The following CEP83 variants were observed in gnomAD, a reference collection of about 807,000 sequenced individuals.
CEP83 encodes the protein centrosomal protein 83.
In CEP83, 70 loss-of-function variants were observed where a neutral mutation model predicts 101.9. The observed-to-expected ratio is 0.69, with a 90% CI of 0.57 to 0.84. CEP83 has a LOEUF of 0.84. Ranked by LOEUF, CEP83 falls within the 40% of genes least tolerant of loss-of-function variation. The probability of loss-of-function intolerance (pLI) is 0.00; values close to 1 mark genes in which losing one functional copy is unlikely to be tolerated. For synonymous variants in CEP83, 264 were observed against 267.9 expected (o/e 0.99, Z 0.14); for missense variants, 715 against 787.2 (o/e 0.91, Z 1.10).
intron 2 of CEP83, among the ~76,000 whole-genome samples, chr12:94,415,865 A>G (rs2064228539): frequency 6.6e-6 from 1 of 152,148 alleles, no homozygotes; most frequent in African/African-American, 2.4e-5. Context: ...TAACTGACAT[A>G]TGGAAGACTA....
intron 15 of CEP83, among the ~76,000 whole-genome samples, chr12:94,311,346 C>T (rs1342086060): frequency 6.6e-6 from 1 of 152,166 alleles, no homozygotes; most frequent in East Asian, 1.9e-4. Context: ...TCCCTGAGTT[C>T]TGTAAGCTGC....
At chr12:94,440,361 C>A (rs1186665076) in intron 1 of CEP83, among the ~76,000 whole-genome samples, 1 of 152,134 alleles carries the variant, frequency 6.6e-6, no homozygotes, top group Admixed American at 6.5e-5. Flanking sequence ...AATTGATGTA[C>A]ACAGATGAGT....
rs771012267 is a variant in CEP83 at position 94,378,986 on chromosome 12, A to G, written c.606T>C (p.Asp202=). The part of the protein sequence containing the change: ...EELRNQLLNV[D]LTKDSKRVEQ... The stretch of plus-strand genomic sequence containing the variant: ...CCACTCGTTTGCTGTCTTTTGTGAG[A>G]TCAACATTAAGCAGCTGGTTACGTA... Residue 202 remains aspartate, a synonymous_variant, in exon 7 of 17, where the codon GAT becomes GAC. Transcript: ENST00000397809. 1 of 1,613,586 alleles carries G rather than the reference A, an allele frequency of 6.2e-7. No homozygotes were observed. The highest frequency in any genetic ancestry group is 1.7e-5 in the Admixed American group (1 of 59,980).
intron 6 of CEP83, among the ~76,000 whole-genome samples, chr12:94,391,800 T>C (rs565815187): frequency 1.4e-5 from 2 of 147,328 alleles, no homozygotes; most frequent in South Asian, 2.1e-4. Flanking sequence ...CAAGCAAAGG[T>C]AGATCAAGCA....
downstream of CEP83, among the ~76,000 whole-genome samples, chr12:94,304,573 G>A (rs1460204512): frequency 1.3e-5 from 2 of 152,042 alleles, no homozygotes; most frequent in Non-Finnish European, 2.9e-5. Flanking sequence ...CCAAACAAAT[G>A]TTAACTCCCC....
chr12:94,325,194 T>C lies in CEP83; in HGVS notation c.1707+6506A>G, dbSNP rs183202771. Among the ~76,000 whole-genome samples the C allele has an allele frequency of 4.8e-4, 72 of 150,236 alleles. No individual in the cohort carries two copies. The East Asian group carries it at 0.012, about 26-fold the overall frequency. ...TTCTCTCCCTTTTTTTTTTTTGAGA[T>C]GGAGTCTTGCTGTGCTGCCCAGGCT... is the stretch of plus-strand genomic sequence containing the variant. On this transcript the variant is annotated intron_variant, in intron 14 of 16. Transcript: ENST00000397809.
At chr12:94,357,797 G>T (rs2060553253) in intron 11 of CEP83, among the ~76,000 whole-genome samples, 1 of 152,126 alleles carries the variant, frequency 6.6e-6, no homozygotes, top group East Asian at 1.9e-4. Context: ...GATTATAATG[G>T]GTATATTCAA....
intron 11 of CEP83, among the ~76,000 whole-genome samples, chr12:94,366,251 G>A (rs897742659): frequency 6.6e-6 from 1 of 151,856 alleles, no homozygotes; most frequent in South Asian, 2.1e-4. Context: ...AAACAGAATA[G>A]AATAGAAAGA....
intron 15 of CEP83, chr12:94,312,585 T>C: frequency 1.0e-6 from 1 of 985,352 alleles, no homozygotes; most frequent in Non-Finnish European, 1.2e-6. Flanking sequence ...TGATTCAAAG[T>C]TGTAGGCACA....
At position 94,386,875 on chromosome 12, in the gene CEP83, A is replaced by T. The variant is rs553422583; in HGVS notation, c.550-7833T>A. Among the ~76,000 whole-genome samples the T allele has an allele frequency of 3.9e-5, 6 of 152,278 alleles. No individual in the cohort carries two copies. In the South Asian group the frequency reaches 1.0e-3, roughly 26 times the overall value. On this transcript the variant is annotated intron_variant, in intron 6 of 16. Coordinates refer to ENST00000397809, the MANE Select transcript of CEP83 (RefSeq NM_016122.3). ...CCTAGCATTGTTGAGATGATTTTTTAAAAGTATATATAAAGATACTGGTAC... is the reference window on the plus strand; with the variant it reads ...CCTAGCATTGTTGAGATGATTTTTTTAAAGTATATATAAAGATACTGGTAC...
chr12:94,414,885 C>T (rs2064152395), intron 2 of CEP83, among the ~76,000 whole-genome samples: 1 of 151,824 alleles, frequency 6.6e-6, no homozygotes. Flanking sequence ...TGCTTACTTC[C>T]TAGGTTTTCA....
intron 14 of CEP83, among the ~76,000 whole-genome samples, chr12:94,327,988 T>C (rs953972359): frequency 1.8e-4 from 27 of 152,236 alleles, no homozygotes; most frequent in Admixed American, 1.8e-3. Flanking sequence ...CAAGGAGTAA[T>C]CATGGCTTCT....
rs756666904 is a variant in CEP83 at position 94,372,915 on chromosome 12, T to C, written c.934-2879A>G. On this transcript the variant is annotated intron_variant, in intron 8 of 16. Transcript: ENST00000397809. ...CCTAACATCACTGATGCATCACTTATATGAACACTGTTAATTTCCTAAAAA... is the reference window on the plus strand; with the variant it reads ...CCTAACATCACTGATGCATCACTTACATGAACACTGTTAATTTCCTAAAAA... Among the ~76,000 whole-genome samples the C allele has an allele frequency of 2.0e-5, 3 of 152,222 alleles. No individual in the cohort carries two copies. In the East Asian group the frequency reaches 5.8e-4, roughly 29 times the overall value.
At chr12:94,362,483 A>C (rs1479119055) in intron 11 of CEP83, among the ~76,000 whole-genome samples, 2 of 152,116 alleles carry the variant, frequency 1.3e-5, no homozygotes, top group African/African-American at 4.8e-5. Flanking sequence ...TCAATTAATC[A>C]ATAAATTAGC....
At chr12:94,341,549 T>TA (rs71849042) in intron 11 of CEP83, among the ~76,000 whole-genome samples, 44,607 of 146,502 alleles carry the variant, frequency 0.3, 6,714 homozygotes, top group Non-Finnish European at 0.35. Flanking sequence ...TGTTGAACAT[T>TA]AAAAAAAAAA....
At position 94,331,751 on chromosome 12, in the gene CEP83, C is replaced by T; in HGVS notation, c.1656G>A (p.Lys552=). The change falls in exon 14 of 17, where the codon AAG becomes AAA. Residue 552 remains lysine, a synonymous_variant. Transcript: ENST00000397809. The stretch of plus-strand genomic sequence containing the variant: ...GCAGTTTCTCCTTAGCTTGATTGTA[C>T]TTTTCTTCTCTGTCTGTGATACGCT... The part of the protein sequence containing the change: ...LHERITDREE[K]YNQAKEKLQR... 2.5e-6 allele frequency: 4 copies of T among 1,614,060 alleles called. No homozygotes were observed. The highest frequency in any genetic ancestry group is 1.7e-6 in the Non-Finnish European group (2 of 1,179,944).
chr12:94,350,756 T>C (rs1406437203), intron 11 of CEP83, among the ~76,000 whole-genome samples: 1 of 152,072 alleles, frequency 6.6e-6, no homozygotes, highest in Non-Finnish European at 1.5e-5. Flanking sequence ...ATATCCAGAA[T>C]ATACAGAGAA....
intron 1 of CEP83, among the ~76,000 whole-genome samples, chr12:94,441,976 A>G (rs928867152): frequency 3.3e-5 from 5 of 151,954 alleles, no homozygotes; most frequent in Non-Finnish European, 7.4e-5. Flanking sequence ...CAATCTCACT[A>G]TTGGGTATCT....
At chr12:94,432,898 A>G (rs866514367) in intron 2 of CEP83, among the ~76,000 whole-genome samples, 18 of 152,376 alleles carry the variant, frequency 1.2e-4, no homozygotes, top group Middle Eastern at 3.4e-3. Context: ...AACTTCAAAA[A>G]AATTATAAAA....
Sources: gnomAD v4.1 joint callset for allele counts (sites outside exome capture counted in the v4.1 genomes callset) on GRCh38, gnomAD v4.1.1 for gene constraint, MANE v1.5 for transcripts, NCBI Gene and HGNC (gene_info 2026-07-23, HGNC 2026-07-21) for gene names.